The following SYNPR variants were observed in gnomAD, a reference collection of about 807,000 sequenced individuals.
SYNPR encodes the protein synaptoporin.
In SYNPR, 23 loss-of-function variants were observed where a neutral mutation model predicts 32.9. The ratio of observed to expected loss-of-function variants is 0.70; its 90% CI spans 0.50 to 0.99. The LOEUF is 0.99. SYNPR is among the 50% of genes least tolerant of loss of function. The probability of loss-of-function intolerance (pLI) is 0.00; values close to 1 mark genes in which losing one functional copy is unlikely to be tolerated. For synonymous variants in SYNPR, 146 were observed against 135.9 expected (o/e 1.07, Z -0.52); for missense variants, 318 against 349.3 (o/e 0.91, Z 0.71).
At chr3:63,312,682 G>A (rs1331205736) in intron 2 of SYNPR, among the ~76,000 whole-genome samples, 1 of 151,882 alleles carries the variant, frequency 6.6e-6, no homozygotes, top group Non-Finnish European at 1.5e-5. Context: ...TGCTTATGAT[G>A]ACCTGTCCAT....
chr3:63,249,320 C>T (rs986039285), intron 1 of SYNPR, among the ~76,000 whole-genome samples: 2 of 152,024 alleles, frequency 1.3e-5, no homozygotes, highest in African/African-American at 4.8e-5. Flanking sequence ...GAGACAGGCA[C>T]TTCTATACAA....
intron 1 of SYNPR, among the ~76,000 whole-genome samples, chr3:63,245,294 G>T (rs530194965): frequency 2.6e-5 from 4 of 151,870 alleles, no homozygotes; most frequent in Non-Finnish European, 5.9e-5. Flanking sequence ...TTTGAATAAA[G>T]AATATGCAAT....
intron 2 of SYNPR, among the ~76,000 whole-genome samples, chr3:63,366,630 A>G (rs1204802710): frequency 1.3e-5 from 2 of 152,302 alleles, no homozygotes; most frequent in Admixed American, 6.5e-5. Context: ...TCCAGCTTAG[A>G]AAGTAGGAGA....
chr3:63,580,329 A>T (rs551352337), intron 4 of SYNPR, among the ~76,000 whole-genome samples: 1 of 152,320 alleles, frequency 6.6e-6, no homozygotes, highest in South Asian at 2.1e-4. Context: ...GCAAATAAAA[A>T]TGTGACTCAG....
rs549944295 is a variant in SYNPR, at chr3:63,396,757, T to C, written c.85-84075T>C. Among the ~76,000 whole-genome samples the C allele has an allele frequency of 8.1e-4, 124 of 152,310 alleles. 2 individuals carry two copies. The highest frequency in any genetic ancestry group is 2.9e-3 in the African/African-American group (120 of 41,586). On this transcript the variant is annotated intron_variant, in intron 2 of 5. Coordinates refer to ENST00000478300, the MANE Select transcript of SYNPR (RefSeq NM_001130003.2). ...CCTGAGAGAACTCTCTGCCTATAAC[T>C]TCAGGCTTCTTGAGTACTAGACAGA...
intron 2 of SYNPR, among the ~76,000 whole-genome samples, chr3:63,299,230 G>T (rs1442550343): frequency 6.6e-6 from 1 of 152,152 alleles, no homozygotes; most frequent in Non-Finnish European, 1.5e-5. Context: ...TTTCATGAGG[G>T]ATAGGGAGAG....
chr3:63,368,312 G>A (rs1353789775), intron 2 of SYNPR, among the ~76,000 whole-genome samples: 3 of 152,156 alleles, frequency 2.0e-5, no homozygotes, highest in Admixed American at 6.6e-5. Context: ...GTAATGCCAG[G>A]CTTTGAGCTG....
chr3:63,284,934 A>G (rs2086666561), intron 2 of SYNPR, among the ~76,000 whole-genome samples: 1 of 152,198 alleles, frequency 6.6e-6, no homozygotes, highest in African/African-American at 2.4e-5. Context: ...AGGAGGCTCA[A>G]AGATGTTAAC....
intron 1 of SYNPR, 37 bp from the exon 2 acceptor site, chr3:63,278,640 C>A (rs13317513): frequency 6.4e-7 from 1 of 1,550,960 alleles, no homozygotes; most frequent in Non-Finnish European, 8.7e-7. Context: ...CCCTTCCTCA[C>A]GCTTTGCTTT....
intron 2 of SYNPR, among the ~76,000 whole-genome samples, chr3:63,385,767 T>TA (rs1479440268): frequency 2.6e-5 from 4 of 152,310 alleles, no homozygotes; most frequent in African/African-American, 9.6e-5. Flanking sequence ...ACTGGTTACA[T>TA]ATGTGAGGAA....
intron 4 of SYNPR, among the ~76,000 whole-genome samples, chr3:63,608,299 C>A (rs542476290): frequency 1.7e-4 from 26 of 152,214 alleles, no homozygotes; most frequent in African/African-American, 6.3e-4. Flanking sequence ...CTTTCCCCTG[C>A]GAACAGCAGA....
intron 1 of SYNPR, among the ~76,000 whole-genome samples, chr3:63,232,494 C>T (rs990241521): frequency 3.3e-5 from 5 of 152,148 alleles, no homozygotes; most frequent in African/African-American, 4.8e-5. Context: ...TGAGCCACAC[C>T]GTGCCCTGCC....
intron 2 of SYNPR, among the ~76,000 whole-genome samples, chr3:63,390,917 A>T (rs1354973701): frequency 1.3e-5 from 2 of 152,200 alleles, no homozygotes; most frequent in Non-Finnish European, 2.9e-5. Flanking sequence ...TTGTTAGACC[A>T]TCAGCCCCAT....
chr3:63,459,094 C>T (rs1443590191), intron 2 of SYNPR, among the ~76,000 whole-genome samples: 1 of 152,004 alleles, frequency 6.6e-6, no homozygotes, highest in Non-Finnish European at 1.5e-5. Context: ...ATTAATCTCA[C>T]CTATCTCTTC....
intron 2 of SYNPR, among the ~76,000 whole-genome samples, chr3:63,407,402 G>A (rs2088374858): frequency 6.6e-6 from 1 of 152,196 alleles, no homozygotes; most frequent in African/African-American, 2.4e-5. Context: ...GGTCGAATCT[G>A]TGGATGCTGA....
At chr3:63,408,668 G>C (rs1575629524) in intron 2 of SYNPR, among the ~76,000 whole-genome samples, 1 of 152,194 alleles carries the variant, frequency 6.6e-6, no homozygotes, top group South Asian at 2.1e-4. Context: ...CTCCAGGAGA[G>C]AGAGCACACA....
intron 3 of SYNPR, among the ~76,000 whole-genome samples, chr3:63,516,717 C>A (rs557907532): frequency 5.8e-4 from 88 of 152,232 alleles, no homozygotes; most frequent in African/African-American, 2.0e-3. Flanking sequence ...TTATATACAA[C>A]TCTTCAGAGC....
At chr3:63,227,658 C>T (rs1023738712), upstream of SYNPR, among the ~76,000 whole-genome samples, 1 of 152,274 alleles carries the variant, frequency 6.6e-6, no homozygotes, top group South Asian at 2.1e-4. Context: ...AATAACTGCT[C>T]TATCTACAGG....
chr3:63,362,235 G>A lies in SYNPR; in HGVS notation c.84+83493G>A, dbSNP rs75842257. On this transcript the variant is annotated intron_variant, in intron 2 of 5. Coordinates refer to ENST00000478300, the MANE Select transcript of SYNPR (RefSeq NM_001130003.2). ...AGCATGTGATGGACATACAACATGAGTGAGAAATAAACCTCTGTTGTTTTA... is the reference window on the plus strand; with the variant it reads ...AGCATGTGATGGACATACAACATGAATGAGAAATAAACCTCTGTTGTTTTA... 7.4e-4 allele frequency among the ~76,000 whole-genome samples: 112 copies of A among 152,326 alleles called. 1 individual carries two copies. The highest frequency in any genetic ancestry group is 2.6e-3 in the African/African-American group (108 of 41,572).
Sources: allele counts gnomAD v4.1 joint callset (sites outside exome capture counted in the v4.1 genomes callset), GRCh38; gene constraint gnomAD v4.1.1; transcripts MANE v1.5; gene names NCBI Gene and HGNC (gene_info 2026-07-23, HGNC 2026-07-21).